TTC29: variants seen among roughly 807,000 people sequenced by gnomAD.
TTC29 encodes the protein tetratricopeptide repeat protein 29.
In TTC29, 49 loss-of-function variants were observed where a neutral mutation model predicts 58.1. The observed-to-expected ratio is 0.84, with a 90% CI of 0.67 to 1.07. The LOEUF is 1.07. Among genes scored for constraint, TTC29 ranks in the 50% least tolerant of loss-of-function variants. TTC29 has a pLI of 0.00. For synonymous variants in TTC29, 209 were observed against 196.8 expected (o/e 1.06, Z -0.52); for missense variants, 582 against 555.6 (o/e 1.05, Z -0.48).
At chr4:146,821,698 A>G (rs888253583) in intron 9 of TTC29, among the ~76,000 whole-genome samples, 16 of 152,220 alleles carry the variant, frequency 1.1e-4, no homozygotes, top group African/African-American at 3.6e-4. Context: ...ATCCAGGTAA[A>G]CTGTGAGAAC....
intron 8 of TTC29, among the ~76,000 whole-genome samples, chr4:146,847,982 T>C (rs1729282493): frequency 6.6e-6 from 1 of 152,216 alleles, no homozygotes; most frequent in Non-Finnish European, 1.5e-5. Context: ...GGACTGTGGA[T>C]ACCTTTTCCT....
At chr4:146,737,455 C>T (rs1303184673) in intron 11 of TTC29, among the ~76,000 whole-genome samples, 1 of 152,070 alleles carries the variant, frequency 6.6e-6, no homozygotes, top group Non-Finnish European at 1.5e-5. Context: ...TTTGCACCCT[C>T]TCAGGTGTAT....
chr4:146,919,634 C>A (rs986394137), intron 4 of TTC29, among the ~76,000 whole-genome samples: 2 of 150,996 alleles, frequency 1.3e-5, no homozygotes, highest in African/African-American at 4.8e-5. Context: ...TTAAAACCAC[C>A]CATCTTCACA....
intron 4 of TTC29, 42 bp from the exon 5 acceptor site, chr4:146,909,291 C>T: frequency 7.0e-7 from 1 of 1,437,092 alleles, no homozygotes; most frequent in Middle Eastern, 1.8e-4. Flanking sequence ...TATGTTAATC[C>T]TTTCAGTCTG....
chr4:146,942,644 C>T, intron 2 of TTC29: 1 of 1,530,842 alleles, frequency 6.5e-7, no homozygotes, highest in South Asian at 1.2e-5. Context: ...TTACAGTGAA[C>T]ATCGGAATCA....
At chr4:146,779,280 C>A (rs982839209) in intron 11 of TTC29, among the ~76,000 whole-genome samples, 17 of 152,092 alleles carry the variant, frequency 1.1e-4, no homozygotes, top group Non-Finnish European at 1.2e-4. Context: ...TGAAGAGCAA[C>A]TTCCACTCCC....
chr4:146,879,568 T>C (rs1354595536), intron 6 of TTC29, among the ~76,000 whole-genome samples: 1 of 152,192 alleles, frequency 6.6e-6, no homozygotes, highest in Non-Finnish European at 1.5e-5. Context: ...AATCAGATTT[T>C]CTAACATGGC....
intron 8 of TTC29, among the ~76,000 whole-genome samples, chr4:146,839,134 T>A (rs557290972): frequency 2.5e-4 from 38 of 152,008 alleles, no homozygotes; most frequent in Non-Finnish European, 4.4e-4. Flanking sequence ...CAGTGATGAC[T>A]TTTTTCATAA....
intron 11 of TTC29, among the ~76,000 whole-genome samples, chr4:146,716,411 GAT>G (rs1483870771): frequency 2.0e-5 from 3 of 152,146 alleles, no homozygotes; most frequent in Non-Finnish European, 4.4e-5. Flanking sequence ...AATTATATGA[GAT>G]AATTTTTTGT....
intron 8 of TTC29, among the ~76,000 whole-genome samples, chr4:146,863,391 T>C (rs1288127842): frequency 6.6e-6 from 1 of 152,164 alleles, no homozygotes; most frequent in Admixed American, 6.5e-5. Context: ...CTTTCAACAC[T>C]ATTAACTCTC....
chr4:146,917,253 T>C (rs1159951179), intron 4 of TTC29, among the ~76,000 whole-genome samples: 1 of 150,378 alleles, frequency 6.6e-6, no homozygotes, highest in Non-Finnish European at 1.5e-5. Context: ...TTGTTATTAA[T>C]GTCCTCTAAA....
chr4:146,759,965 G>GCA (rs1252414392), intron 11 of TTC29, among the ~76,000 whole-genome samples: 1 of 151,996 alleles, frequency 6.6e-6, no homozygotes, highest in Non-Finnish European at 1.5e-5. Flanking sequence ...GAAATAAAGG[G>GCA]CATTCAAATC....
At chr4:146,870,022 A>G (rs1730829972) in intron 7 of TTC29, among the ~76,000 whole-genome samples, 1 of 152,114 alleles carries the variant, frequency 6.6e-6, no homozygotes, top group Non-Finnish European at 1.5e-5. Flanking sequence ...AAGAATAATT[A>G]TGTGGTAAGG....
rs1050180533 is a variant in TTC29, at chr4:146,838,989, G to C, written c.886-5092C>G. Among the ~76,000 whole-genome samples, 87 of 152,014 alleles carry C rather than the reference G, an allele frequency of 5.7e-4. 2 individuals carry two copies. The highest frequency in any genetic ancestry group is 1.6e-3 in the Admixed American group (24 of 15,230). ...GATGGAACTGTCCCCTGACCCCTCT[G>C]TCCAGCCAGCCTTTATAAGAAAACA... On this transcript the variant is annotated intron_variant, in intron 8 of 12. Transcript: ENST00000325106.
At chr4:146,781,634 G>A (rs961391403) in intron 11 of TTC29, among the ~76,000 whole-genome samples, 2 of 152,036 alleles carry the variant, frequency 1.3e-5, no homozygotes, top group Middle Eastern at 3.4e-3. Flanking sequence ...CTCACTATAT[G>A]TTGAGGTCAG....
intron 6 of TTC29, among the ~76,000 whole-genome samples, chr4:146,901,690 A>G (rs1733158400): frequency 1.3e-5 from 2 of 152,188 alleles, no homozygotes; most frequent in Non-Finnish European, 2.9e-5. Context: ...GGATTTTCAC[A>G]AGGGCTTCTC....
At chr4:146,766,076 C>T (rs1342453729) in intron 11 of TTC29, among the ~76,000 whole-genome samples, 2 of 152,016 alleles carry the variant, frequency 1.3e-5, no homozygotes, top group African/African-American at 4.8e-5. Context: ...CTCGGATTCA[C>T]AGTGTCTTAG....
intron 7 of TTC29, 44 bp from the exon 8 acceptor site, chr4:146,867,627 A>G (rs1730651588): frequency 2.2e-5 from 20 of 914,550 alleles, no homozygotes; most frequent in Non-Finnish European, 3.3e-5. Context: ...TCAATAAATG[A>G]TTTATTACAA....
chr4:146,918,931 C>T (rs756954366), intron 4 of TTC29, among the ~76,000 whole-genome samples: 5 of 151,090 alleles, frequency 3.3e-5, no homozygotes, highest in Non-Finnish European at 7.4e-5. Flanking sequence ...GTTTTAGAAA[C>T]ATTTGTTGAT....
Sources: allele counts gnomAD v4.1 joint callset (sites outside exome capture counted in the v4.1 genomes callset), GRCh38; gene constraint gnomAD v4.1.1; transcripts MANE v1.5; gene names NCBI Gene and HGNC (gene_info 2026-07-23, HGNC 2026-07-21).